Variants in ZNF385D observed in about 807,000 individuals in gnomAD.
ZNF385D encodes the protein zinc finger protein 385D.
In ZNF385D, 15 loss-of-function variants were observed where a neutral mutation model predicts 35.8. The ratio of observed to expected loss-of-function variants is 0.42; its 90% CI spans 0.28 to 0.64. ZNF385D has a LOEUF of 0.64. ZNF385D is among the 30% of genes least tolerant of loss of function. ZNF385D has a pLI of 0.23. For synonymous variants in ZNF385D, 212 were observed against 186.8 expected (o/e 1.13, Z -1.10); for missense variants, 474 against 494.6 (o/e 0.96, Z 0.39).
At chr3:22,318,244 T>C (rs1411938112) in intron 2 of ZNF385D, among the ~76,000 whole-genome samples, 1 of 152,040 alleles carries the variant, frequency 6.6e-6, no homozygotes, top group Non-Finnish European at 1.5e-5. Flanking sequence ...GAATTTTGAG[T>C]GTCCAAGTGG....
intron 3 of ZNF385D, among the ~76,000 whole-genome samples, chr3:21,975,085 G>A: frequency 6.6e-6 from 1 of 152,296 alleles, no homozygotes; most frequent in Non-Finnish European, 1.5e-5. Flanking sequence ...CCAAAAGAGA[G>A]AAAATCAGTA....
At chr3:21,944,944 ACT>A (rs1452261933) in intron 3 of ZNF385D, among the ~76,000 whole-genome samples, 14 of 151,914 alleles carry the variant, frequency 9.2e-5, no homozygotes, top group Middle Eastern at 3.2e-3. Flanking sequence ...GAGTTTTGTA[ACT>A]CTCATTTACA....
chr3:22,062,348 G>GC lies in ZNF385D; in HGVS notation c.325+106468dup, dbSNP rs145582352. 2.5e-3 allele frequency among the ~76,000 whole-genome samples: 373 copies of GC among 152,130 alleles called. 1 individual carries two copies. The highest frequency in any genetic ancestry group is 8.6e-3 in the African/African-American group (359 of 41,506). ...GGAATTACAGCCGTGAGTCACTTGC[G>GC]CCCAGCCTGTTGGTACATTTTAAAA... On this transcript the variant is annotated intron_variant, in intron 3 of 5. Coordinates refer to the ZNF385D transcript ENST00000494108.
At chr3:22,093,017 G>A (rs1468609075) in intron 3 of ZNF385D, among the ~76,000 whole-genome samples, 1 of 152,130 alleles carries the variant, frequency 6.6e-6, no homozygotes, top group African/African-American at 2.4e-5. Context: ...CAGCATCCAG[G>A]AGCAGGAAGG....
chr3:22,168,261 T>A (rs143368679), intron 3 of ZNF385D, among the ~76,000 whole-genome samples: 4 of 152,130 alleles, frequency 2.6e-5, no homozygotes, highest in African/African-American at 7.2e-5. Flanking sequence ...TTTGTGCTAT[T>A]TGAAAAATCT....
At chr3:21,840,417 G>T (rs1695591208) in intron 3 of ZNF385D, among the ~76,000 whole-genome samples, 1 of 152,054 alleles carries the variant, frequency 6.6e-6, no homozygotes, top group Non-Finnish European at 1.5e-5. Flanking sequence ...AAGATAGCAT[G>T]CTTCCTATTC....
chr3:21,658,752 G>C (rs1220889101), intron 2 of ZNF385D, among the ~76,000 whole-genome samples: 4 of 151,730 alleles, frequency 2.6e-5, no homozygotes, highest in African/African-American at 9.7e-5. Flanking sequence ...AGCTTTCCTT[G>C]GCCACCTCCA....
intron 3 of ZNF385D, among the ~76,000 whole-genome samples, chr3:21,823,051 A>G (rs1263197464): frequency 6.6e-6 from 1 of 152,172 alleles, no homozygotes; most frequent in East Asian, 1.9e-4. Flanking sequence ...ATAATTTTCT[A>G]TTTGTTAAGC....
rs73819028 is a variant in ZNF385D at position 21,520,808 on chromosome 3, C to T, written c.277-9785G>A. 3.8e-3 allele frequency among the ~76,000 whole-genome samples: 583 copies of T among 152,258 alleles called. 3 individuals carry two copies. The highest frequency in any genetic ancestry group is 0.014 in the African/African-American group (563 of 41,558). On this transcript the variant is annotated intron_variant, in intron 3 of 7. Coordinates refer to ENST00000281523, the MANE Select transcript of ZNF385D (RefSeq NM_024697.3). ...AAAAGACAAAATTCTTTTAAATATG[C>T]ACATAAAAATGTTCAGTACTCGGGA...
intron 4 of ZNF385D, among the ~76,000 whole-genome samples, chr3:21,492,369 T>C (rs1705486034): frequency 6.6e-6 from 1 of 151,168 alleles, no homozygotes; most frequent in South Asian, 2.1e-4. Context: ...CTTTACGGAT[T>C]CTAAATGGTT....
chr3:22,000,229 C>G (rs1695749636), intron 3 of ZNF385D, among the ~76,000 whole-genome samples: 1 of 151,954 alleles, frequency 6.6e-6, no homozygotes, highest in Non-Finnish European at 1.5e-5. Context: ...GGCTTGAACC[C>G]AGGAGGTGGA....
At chr3:22,322,811 T>C (rs1424465283) in intron 2 of ZNF385D, among the ~76,000 whole-genome samples, 3 of 152,274 alleles carry the variant, frequency 2.0e-5, no homozygotes, top group African/African-American at 7.2e-5. Context: ...TCTGAATTAC[T>C]AAGCTCAGAA....
In ZNF385D at chr3:21,437,701, C is replaced by CA. The variant is rs751739275; in HGVS notation, c.440-499dup. 1.3e-3 allele frequency among the ~76,000 whole-genome samples: 97 copies of CA among 77,202 alleles called. 3 individuals are homozygous for CA. Among genetic ancestry groups the CA allele is most frequent in the South Asian group, 4.3e-3 (8 of 1,854 alleles). 50.6% of individuals were successfully genotyped at this position (77,202 alleles called of 152,430 possible). ...ACAGATCCTTTTGCAAATGCTTATA[C>CA]AAAAAAAAAAAAAAAAAACCGGAAC... On this transcript the variant is annotated intron_variant, in intron 4 of 7. Transcript: ENST00000281523.
At chr3:22,165,445 G>C (rs1403721702) in intron 3 of ZNF385D, among the ~76,000 whole-genome samples, 1 of 152,164 alleles carries the variant, frequency 6.6e-6, no homozygotes, top group Non-Finnish European at 1.5e-5. Flanking sequence ...AATAATGTGT[G>C]GCCTGGCAGG....
At chr3:22,106,219 G>T (rs1190524879) in intron 3 of ZNF385D, among the ~76,000 whole-genome samples, 1 of 152,092 alleles carries the variant, frequency 6.6e-6, no homozygotes, top group African/African-American at 2.4e-5. Context: ...AGGTTGTAAG[G>T]AAACTGGTCA....
chr3:21,644,033 C>T (rs2065681089), intron 2 of ZNF385D, among the ~76,000 whole-genome samples: 1 of 152,036 alleles, frequency 6.6e-6, no homozygotes, highest in South Asian at 2.1e-4. Flanking sequence ...TTTTAAAGCA[C>T]CCAAGATTTA....
chr3:21,607,569 A>T (rs940853114), intron 2 of ZNF385D, among the ~76,000 whole-genome samples: 7 of 152,112 alleles, frequency 4.6e-5, no homozygotes, highest in Non-Finnish European at 1.0e-4. Flanking sequence ...TCCAGTCCCC[A>T]TATCTTCTTG....
At chr3:21,475,028 T>G (rs912560138) in intron 4 of ZNF385D, among the ~76,000 whole-genome samples, 4 of 152,196 alleles carry the variant, frequency 2.6e-5, no homozygotes, top group East Asian at 1.9e-4. Flanking sequence ...TTTTTTCATA[T>G]AGTTTATAGA....
chr3:21,533,456 T>A (rs2061970240), intron 3 of ZNF385D, among the ~76,000 whole-genome samples: 1 of 152,104 alleles, frequency 6.6e-6, no homozygotes. Flanking sequence ...CTAGCAATGT[T>A]CCATTAATCC....
Sources: allele counts gnomAD v4.1 joint callset (sites outside exome capture counted in the v4.1 genomes callset), GRCh38; gene constraint gnomAD v4.1.1; transcripts MANE v1.5; gene names NCBI Gene and HGNC (gene_info 2026-07-23, HGNC 2026-07-21).